The following UBR2 variants were observed in gnomAD, a reference collection of about 807,000 sequenced individuals.
UBR2 encodes ubiquitin protein ligase E3 component n-recognin 2, also known as E3 ubiquitin-protein ligase UBR2.
In UBR2, 92 loss-of-function variants were observed where a neutral mutation model predicts 247.9. The ratio of observed to expected loss-of-function variants is 0.37; its 90% CI spans 0.31 to 0.44. The LOEUF is 0.44. UBR2 is among the 20% of genes least tolerant of loss of function. The pLI, the probability that UBR2 is intolerant of heterozygous loss-of-function variation, is 1.00. For synonymous variants in UBR2, 672 were observed against 693.5 expected (o/e 0.97, Z 0.49); for missense variants, 1,613 against 2,112.6 (o/e 0.76, Z 4.64).
chr6:42,632,954 T>TTA, intron 13 of UBR2, 50 bp downstream of exon 13: 4 of 1,052,244 alleles, frequency 3.8e-6, no homozygotes, highest in Non-Finnish European at 5.1e-6. Context: ...TTTTTCTCTT[T>TTA]TCTCTTTTTT....
chr6:42,606,716 C>A, intron 7 of UBR2, 65 bp downstream of exon 7: 1 of 1,314,814 alleles, frequency 7.6e-7, no homozygotes. Flanking sequence ...CATATTTCAG[C>A]ATTTATGAAC....
chr6:42,645,274 G>A (rs761959208), intron 20 of UBR2, among the ~76,000 whole-genome samples, 192 bp from the exon 21 acceptor site: 5 of 152,100 alleles, frequency 3.3e-5, no homozygotes, highest in African/African-American at 7.2e-5. Flanking sequence ...CTGCCCTCAC[G>A]TTTTGGGTCT....
intron 6 of UBR2, among the ~76,000 whole-genome samples, chr6:42,606,212 G>C (rs949799948): frequency 6.6e-6 from 1 of 151,002 alleles, no homozygotes; most frequent in African/African-American, 2.4e-5. Context: ...CATTGCACTC[G>C]AGCCTGGGCG....
chr6:42,591,009 T>C (rs1792624295), intron 2 of UBR2, among the ~76,000 whole-genome samples: 1 of 152,230 alleles, frequency 6.6e-6, no homozygotes, highest in Non-Finnish European at 1.5e-5. Context: ...CCCAGCACTT[T>C]GGGAGGCCAA....
At position 42,614,387 on chromosome 6, in the gene UBR2, T is replaced by TGTACGTACATACATACGTATGTATGTAC. The variant is rs1360431505; in HGVS notation, c.986-672_986-645dup. On this transcript the variant is annotated intron_variant, in intron 8 of 46. Coordinates refer to ENST00000372901, the MANE Select transcript of UBR2 (RefSeq NM_001363705.2). ...ATGTGTGTATGTGTGTATATATGTATGTACGTACATACATACGTATGTATG... is the reference window on the plus strand; with the variant it reads ...ATGTGTGTATGTGTGTATATATGTATGTACGTACATACATACGTATGTATGTACGTACGTACATACATACGTATGTATG... 1.7e-3 allele frequency among the ~76,000 whole-genome samples: 222 copies of TGTACGTACATACATACGTATGTATGTAC among 127,382 alleles called. 1 individual carries two copies. Among genetic ancestry groups the TGTACGTACATACATACGTATGTATGTAC allele is most frequent in the African/African-American group, 3.2e-3 (108 of 33,448 alleles). The allele number at this position is 127,382 out of a possible 152,430, so 83.6% of individuals were successfully genotyped here.
chr6:42,608,568 T>C (rs1370272433), intron 7 of UBR2, among the ~76,000 whole-genome samples: 1 of 152,024 alleles, frequency 6.6e-6, no homozygotes, highest in Non-Finnish European at 1.5e-5. Flanking sequence ...AGTCCAAGGG[T>C]ATAGTGAGCT....
intron 36 of UBR2, among the ~76,000 whole-genome samples, chr6:42,672,264 C>G (rs1798489537): frequency 1.3e-5 from 2 of 152,066 alleles, no homozygotes; most frequent in South Asian, 4.1e-4. Context: ...AACTCCTGAC[C>G]TCAGGTGATC....
chr6:42,613,334 T>C (rs1468458675), intron 8 of UBR2, among the ~76,000 whole-genome samples: 1 of 152,210 alleles, frequency 6.6e-6, no homozygotes, highest in Non-Finnish European at 1.5e-5. Context: ...TTGAAGGGCT[T>C]TTAGAAAAGA....
intron 34 of UBR2, 63 bp downstream of exon 34, chr6:42,666,308 G>T (rs1476112380): frequency 2.1e-6 from 3 of 1,404,230 alleles, no homozygotes; most frequent in Non-Finnish European, 2.0e-6. Context: ...TAAGTCAGCA[G>T]TTAGGAGGAA....
intron 36 of UBR2, among the ~76,000 whole-genome samples, 197 bp downstream of exon 36, chr6:42,670,912 G>A (rs549506918): frequency 3.9e-5 from 6 of 152,310 alleles, no homozygotes; most frequent in East Asian, 1.9e-4. Context: ...GAGGCCGGGC[G>A]CAGTGGCCCA....
At chr6:42,680,768 G>A (rs1475772388) in intron 42 of UBR2, among the ~76,000 whole-genome samples, 1 of 152,134 alleles carries the variant, frequency 6.6e-6, no homozygotes, top group Non-Finnish European at 1.5e-5. Context: ...TATCTGATAA[G>A]GGATTAACAT....
intron 38 of UBR2, 86 bp from the exon 39 acceptor site, chr6:42,675,970 A>G (rs1798697460): frequency 6.7e-7 from 1 of 1,494,988 alleles, no homozygotes; most frequent in Non-Finnish European, 8.9e-7. Context: ...AAAAAAATCA[A>G]AATAAAAGTA....
intron 11 of UBR2, chr6:42,619,858 C>G: frequency 1.4e-6 from 1 of 693,302 alleles, no homozygotes; most frequent in Non-Finnish European, 1.8e-6. Context: ...GCTGGGACCA[C>G]AGATGCATGC....
intron 30 of UBR2, among the ~76,000 whole-genome samples, chr6:42,661,157 C>T (rs576001743): frequency 5.9e-5 from 9 of 151,524 alleles, no homozygotes; most frequent in Admixed American, 3.3e-4. Flanking sequence ...ATTAGCCAGG[C>T]GTGGTGGCAG....
At chr6:42,632,069 A>AAAAAATATAT (rs56721828) in intron 11 of UBR2, among the ~76,000 whole-genome samples, 1 of 114,078 alleles carries the variant, frequency 8.8e-6, no homozygotes, top group African/African-American at 3.4e-5. Context: ...AAAAAAAAAA[A>AAAAAATATAT]ATATATATAT....
intron 4 of UBR2, among the ~76,000 whole-genome samples, chr6:42,600,749 T>C (rs1052309262): frequency 1.3e-5 from 2 of 152,050 alleles, no homozygotes; most frequent in Admixed American, 1.3e-4. Flanking sequence ...TGGCTCACTT[T>C]AGCCTCCACC....
chr6:42,692,981 C>T lies in UBR2; in HGVS notation c.*1808C>T, dbSNP rs1200674889. 1 of 152,176 alleles carries T rather than the reference C, an allele frequency of 6.6e-6. No individual in the cohort carries two copies. Among genetic ancestry groups the T allele is most frequent in the Non-Finnish European group, 1.5e-5 (1 of 68,028 alleles). 9.4% of individuals were successfully genotyped at this position (152,176 alleles called of 1,614,324 possible). A position where few individuals can be genotyped will look rare whatever the true frequency, so the allele number is the denominator to read the frequency against. On this transcript the variant is annotated 3_prime_UTR_variant, in exon 47 of 47. Transcript: ENST00000372901. ...GCATAATTCATGTTTATTTTGGCCT[C>T]TGTCACATCCAGTTTCTTTAGCTTT...
rs1471268715 is a variant in UBR2 at position 42,691,472 on chromosome 6, T to C, written c.*299T>C. 1.6e-5 allele frequency: 6 copies of C among 365,710 alleles called. No individual in the cohort carries two copies. Among genetic ancestry groups the C allele is most frequent in the Middle Eastern group, 8.5e-4 (1 of 1,182 alleles). 22.7% of individuals were successfully genotyped at this position (365,710 alleles called of 1,614,324 possible). The stretch of plus-strand genomic sequence containing the variant: ...TCTGACTGCATAGTCCCAGCCATTA[T>C]GTGATATTTCACGTTATTGATGATA... On this transcript the variant is annotated 3_prime_UTR_variant, in exon 47 of 47. Coordinates refer to ENST00000372901, the MANE Select transcript of UBR2 (RefSeq NM_001363705.2).
intron 42 of UBR2, among the ~76,000 whole-genome samples, chr6:42,680,557 G>A (rs1276053759): frequency 1.3e-5 from 2 of 152,078 alleles, no homozygotes; most frequent in African/African-American, 4.8e-5. Context: ...GGGACTGCAG[G>A]CACATGCCAT....
Sources: gnomAD v4.1 joint callset for allele counts (sites outside exome capture counted in the v4.1 genomes callset) on GRCh38, gnomAD v4.1.1 for gene constraint, MANE v1.5 for transcripts, NCBI Gene and HGNC (gene_info 2026-07-23, HGNC 2026-07-21) for gene names.